Variants in TENM2 observed in about 807,000 individuals in gnomAD.
TENM2 encodes teneurin-2.
In TENM2, 52 loss-of-function variants were observed where a neutral mutation model predicts 245.2. That is an observed-to-expected ratio of 0.21 (90% confidence interval 0.17 to 0.27). The LOEUF (loss-of-function observed/expected upper bound fraction) is 0.27, where lower values mean the gene tolerates loss of function less well. TENM2 is among the 10% of genes least tolerant of loss of function. The pLI, the probability that TENM2 is intolerant of heterozygous loss-of-function variation, is 1.00. For synonymous variants in TENM2, 1,363 were observed against 1,438.9 expected (o/e 0.95, Z 1.19); for missense variants, 3,046 against 3,666.8 (o/e 0.83, Z 4.37).
At position 167,679,358 on chromosome 5, in the gene TENM2, G is replaced by A. The variant is rs190329205; in HGVS notation, c.503-196628G>A. ...AGTAGGTAATTCATTAGATTTCAAAGCTCTGGCTGTTAAAATAAAAGCATT... is the reference window on the plus strand; with the variant it reads ...AGTAGGTAATTCATTAGATTTCAAAACTCTGGCTGTTAAAATAAAAGCATT... On this transcript the variant is annotated intron_variant, in intron 2 of 28. Transcript: ENST00000518659. Among the ~76,000 whole-genome samples, 126 of 152,134 alleles carry A rather than the reference G, an allele frequency of 8.3e-4. 1 individual carries two copies. Among genetic ancestry groups the A allele is most frequent in the Middle Eastern group, 3.4e-3 (1 of 294 alleles).
rs80259714 is a variant in TENM2 at position 167,509,434 on chromosome 5, C to T, written c.502+133961C>T. ...GTTATTGGATTAACTTGAAAAGTTG[C>T]GTTTGCTCTACAGATTTATTTCAAG... is the stretch of plus-strand genomic sequence containing the variant. On this transcript the variant is annotated intron_variant, in intron 2 of 28. Transcript: ENST00000518659. 3.4e-3 allele frequency among the ~76,000 whole-genome samples: 524 copies of T among 152,238 alleles called. 24 individuals are homozygous for T. The South Asian group carries it at 0.082, about 24-fold the overall frequency.
intron 2 of TENM2, among the ~76,000 whole-genome samples, chr5:167,870,748 C>T (rs1185336998): frequency 6.6e-6 from 1 of 150,446 alleles, no homozygotes; most frequent in Non-Finnish European, 1.5e-5. Flanking sequence ...GGTCATTGAA[C>T]TTATTATTTT....
At chr5:167,909,945 G>A (rs1426383965) in intron 3 of TENM2, among the ~76,000 whole-genome samples, 1 of 145,516 alleles carries the variant, frequency 6.9e-6, no homozygotes, top group Non-Finnish European at 1.5e-5. Flanking sequence ...AACACATCTA[G>A]ACAAAATGTA....
chr5:168,077,478 G>T (rs180910806), intron 7 of TENM2, among the ~76,000 whole-genome samples: 2 of 151,854 alleles, frequency 1.3e-5, no homozygotes, highest in African/African-American at 4.8e-5. Flanking sequence ...TGCACAAAGT[G>T]CAGGTTTGTT....
exon 24 of TENM2, chr5:168,226,236 G>A (rs1476899553): frequency 1.2e-6 from 2 of 1,613,426 alleles, no homozygotes; most frequent in Admixed American, 1.7e-5. Context: ...CCTCTCTTCA[G>A]TAGAGGCCTC....
intron 2 of TENM2, among the ~76,000 whole-genome samples, chr5:167,712,919 G>A (rs191189168): frequency 6.6e-6 from 1 of 152,222 alleles, no homozygotes; most frequent in East Asian, 1.9e-4. Flanking sequence ...GCTAGGTCTG[G>A]ATTTTAGCAT....
At chr5:167,199,032 G>A in the TENM2 span, among the ~76,000 whole-genome samples, 1 of 144,300 alleles carries the variant, frequency 6.9e-6, no homozygotes, top group South Asian at 2.2e-4. Context: ...TGGTAAAACT[G>A]TCAAAACCCT....
At chr5:168,221,116 A>AG (rs1317353069) in intron 23 of TENM2, among the ~76,000 whole-genome samples, 5 of 151,864 alleles carry the variant, frequency 3.3e-5, no homozygotes. Flanking sequence ...TGTCTCAAAA[A>AG]AAAAAAAGAA....
intron 1 of TENM2, chr5:167,309,825 A>AGCAC (rs898160924): frequency 6.6e-6 from 1 of 152,174 alleles, no homozygotes; most frequent in African/African-American, 2.4e-5. Context: ...GGTAGACAAA[A>AGCAC]GCACGGTATT....
intron 3 of TENM2, among the ~76,000 whole-genome samples, chr5:167,904,803 T>C (rs185067240): frequency 3.6e-4 from 55 of 152,318 alleles, no homozygotes; most frequent in African/African-American, 1.3e-3. Context: ...GCCAGTTCTC[T>C]GAGGACTGTC....
the TENM2 span, among the ~76,000 whole-genome samples, chr5:167,239,000 T>C: frequency 1.8e-4 from 28 of 152,270 alleles, no homozygotes; most frequent in African/African-American, 6.0e-4. Context: ...GCATACTTGG[T>C]TCGTAAATAG....
Position 168,210,312 on chromosome 5 carries a change from T to A in TENM2, c.3825-1422T>A, listed in dbSNP as rs1762692080. ...GCCCTTCTCCTTCCCCCAACATAGA[T>A]CTTATATTAATCAACTGAAAGCAGA... On this transcript the variant is annotated intron_variant, in intron 19 of 28. Coordinates refer to ENST00000518659, the Ensembl canonical transcript of TENM2. Among the ~76,000 whole-genome samples, 5 of 152,116 alleles carry A rather than the reference T, an allele frequency of 3.3e-5. No homozygotes were observed. The South Asian group carries it at 1.0e-3, about 32-fold the overall frequency.
intron 12 of TENM2, among the ~76,000 whole-genome samples, chr5:168,150,348 T>A (rs561675815): frequency 3.0e-4 from 45 of 152,330 alleles, no homozygotes; most frequent in African/African-American, 1.1e-3. Context: ...GGAGGTCCAT[T>A]TGTCCCCTGA....
chr5:167,021,350 G>A, the TENM2 span, among the ~76,000 whole-genome samples: 1 of 152,234 alleles, frequency 6.6e-6, no homozygotes, highest in African/African-American at 2.4e-5. Flanking sequence ...ACCAAATACA[G>A]TAGTACAGGA....
chr5:167,394,667 T>G (rs1363489), intron 2 of TENM2, among the ~76,000 whole-genome samples: 87,824 of 151,590 alleles, frequency 0.58, 26,338 homozygotes, highest in African/African-American at 0.75. Flanking sequence ...GATCTCGGCT[T>G]AGGAGGCAAC....
chr5:168,252,821 T>G (rs1767239221), intron 27 of TENM2, among the ~76,000 whole-genome samples: 1 of 148,728 alleles, frequency 6.7e-6, no homozygotes, highest in Non-Finnish European at 1.5e-5. Context: ...CACTCCAGTC[T>G]GAGAAACAAG....
chr5:167,291,802 C>T (rs7731005), intron 1 of TENM2, among the ~76,000 whole-genome samples: 29,057 of 152,074 alleles, frequency 0.19, 3,839 homozygotes, highest in East Asian at 0.38. Context: ...ATAACAAATG[C>T]TCCTAATGCT....
intron 1 of TENM2, among the ~76,000 whole-genome samples, chr5:167,374,920 G>C (rs1157063335): frequency 6.6e-6 from 1 of 152,076 alleles, no homozygotes; most frequent in Non-Finnish European, 1.5e-5. Flanking sequence ...TCAGCTACAT[G>C]GAGCTACCTA....
chr5:168,243,960 G>GAT (rs1346907306), intron 25 of TENM2, among the ~76,000 whole-genome samples: 1 of 98,800 alleles, frequency 1.0e-5, no homozygotes, highest in Non-Finnish European at 2.1e-5. Flanking sequence ...TTTTTTTTAA[G>GAT]ATAGAGTCTC....
Sources: gnomAD v4.1 joint callset for allele counts (sites outside exome capture counted in the v4.1 genomes callset) on GRCh38, gnomAD v4.1.1 for gene constraint, MANE v1.5 for transcripts, NCBI Gene and HGNC (gene_info 2026-07-23, HGNC 2026-07-21) for gene names.